AFF2: variants seen among roughly 807,000 people sequenced by gnomAD.
AFF2 encodes the protein AF4/FMR2 family member 2.
AFF2 carries 14 observed loss-of-function variants against 76.9 expected under a neutral mutation model. The observed-to-expected ratio is 0.18, with a 90% CI of 0.12 to 0.28. The LOEUF (loss-of-function observed/expected upper bound fraction) is 0.28. Ranked by LOEUF, AFF2 falls within the 10% of genes least tolerant of loss-of-function variation. The pLI is 1.00. For missense variants in AFF2, 868 were observed against 1,001.1 expected (o/e 0.87, Z 1.79); for synonymous variants, 398 against 366.7 (o/e 1.09, Z -0.98).
rs1036571552 is a variant in AFF2, at chrX:148,651,604, G to A, written c.48-395G>A. On this transcript the variant is annotated intron_variant, in intron 1 of 20. Coordinates refer to ENST00000370460, the MANE Select transcript of AFF2 (RefSeq NM_002025.4). ...TACTTTGATAATTCCTTTCCCTTAG[G>A]ACTTTGTGACATCTGTGGATTCTGA... is the stretch of plus-strand genomic sequence containing the variant. Among the ~76,000 whole-genome samples, 6 of 111,536 alleles carry A rather than the reference G, an allele frequency of 5.4e-5. No individual in the cohort carries two copies. The East Asian group carries it at 1.7e-3, about 32-fold the overall frequency.
Position 148,958,300 on chromosome X carries a change from G to C in AFF2, c.2569-37G>C, listed in dbSNP as rs782300773. On this transcript the variant is annotated intron_variant, in intron 11 of 20. Coordinates refer to ENST00000370460, the MANE Select transcript of AFF2 (RefSeq NM_002025.4). ...AATATGGATGTCTGAATGGTGCCAT[G>C]CATTTCAAGCTCTGTGTATTTTTTT... The C allele has an allele frequency of 3.3e-6, 4 of 1,204,519 alleles. No individual in the cohort carries two copies. The African/African-American group carries it at 7.0e-5, about 21-fold the overall frequency.
At chrX:148,525,233 T>C (rs2052645723) in intron 1 of AFF2, among the ~76,000 whole-genome samples, 1 of 111,704 alleles carries the variant, frequency 9.0e-6, no homozygotes, top group African/African-American at 3.3e-5. Flanking sequence ...ACTTTCCTTT[T>C]CTTCTTTTCT....
intron 1 of AFF2, among the ~76,000 whole-genome samples, chrX:148,651,699 G>A (rs2054203214): frequency 9.5e-6 from 1 of 105,430 alleles, no homozygotes; most frequent in Non-Finnish European, 1.9e-5. Flanking sequence ...TGACTTTTGG[G>A]GAGTATGTAA....
chrX:148,549,590 C>G (rs1345659799), intron 1 of AFF2, among the ~76,000 whole-genome samples: 2 of 111,733 alleles, frequency 1.8e-5, no homozygotes, highest in South Asian at 3.8e-4. Context: ...TCATAATCCT[C>G]TCTCCGTTTT....
At chrX:148,565,163 A>C (rs1383224186) in intron 1 of AFF2, among the ~76,000 whole-genome samples, 3 of 112,001 alleles carry the variant, frequency 2.7e-5, no homozygotes, top group Non-Finnish European at 5.6e-5. Context: ...TTGTGACTGC[A>C]GCCAAAGATT....
chrX:148,942,658 T>C (rs781859398), intron 9 of AFF2, among the ~76,000 whole-genome samples: 33 of 109,546 alleles, frequency 3.0e-4, no homozygotes, highest in Non-Finnish European at 5.1e-4. Context: ...CTACTAAAAA[T>C]ACAAAAAATT....
At chrX:148,756,696 T>A (rs1461941151) in intron 3 of AFF2, among the ~76,000 whole-genome samples, 2 of 112,591 alleles carry the variant, frequency 1.8e-5, no homozygotes, top group African/African-American at 6.4e-5. Context: ...ATGAAACAGA[T>A]GTTTGCAGCA....
chrX:148,845,760 C>T (rs2124674190), intron 7 of AFF2, among the ~76,000 whole-genome samples: 1 of 111,761 alleles, frequency 8.9e-6, no homozygotes, highest in Non-Finnish European at 1.9e-5. Context: ...TGCAGACAGA[C>T]TGCTAATGCC....
intron 8 of AFF2, among the ~76,000 whole-genome samples, chrX:148,895,081 A>G (rs1222463171): frequency 1.8e-5 from 2 of 110,639 alleles, no homozygotes; most frequent in Non-Finnish European, 3.8e-5. Flanking sequence ...ATGGGTTCAA[A>G]TTGTTACAAA....
intron 4 of AFF2, 47 bp downstream of exon 4, chrX:148,809,967 T>A (rs368746289): frequency 8.9e-7 from 1 of 1,118,839 alleles, no homozygotes; most frequent in Non-Finnish European, 1.2e-6. Context: ...TGAAGCAATC[T>A]ATCTGCTTAA....
chrX:148,972,028 GT>G lies in AFF2; in HGVS notation c.3268-1437del, dbSNP rs1195443739. On this transcript the variant is annotated intron_variant, in intron 15 of 20. Transcript: ENST00000370460. ...TATGAGTGAGAATATGCGGTGTTTGGTTTTTTGTTCTTGCGATAGTTTACTG... is the reference window on the plus strand; with the variant it reads ...TATGAGTGAGAATATGCGGTGTTTGGTTTTTGTTCTTGCGATAGTTTACTG... Among the ~76,000 whole-genome samples the G allele has an allele frequency of 8.6e-3, 89 of 10,306 alleles. 5 individuals are homozygous for G. Among genetic ancestry groups the G allele is most frequent in the Admixed American group, 0.079 (71 of 898 alleles). 8.9% of individuals were successfully genotyped at this position (10,306 alleles called of 115,157 possible).
At chrX:148,915,097 T>C (rs1378751608) in intron 9 of AFF2, among the ~76,000 whole-genome samples, 2 of 112,160 alleles carry the variant, frequency 1.8e-5, no homozygotes, top group Non-Finnish European at 3.8e-5. Context: ...GGGCCTCAAA[T>C]AGGAAACAAA....
intron 4 of AFF2, among the ~76,000 whole-genome samples, chrX:148,828,449 T>C (rs782578033): frequency 8.9e-6 from 1 of 112,518 alleles, no homozygotes; most frequent in African/African-American, 3.2e-5. Context: ...TTCAGTGTTG[T>C]TCAATCTGAT....
intron 3 of AFF2, among the ~76,000 whole-genome samples, chrX:148,753,043 C>T (rs2055520614): frequency 9.0e-6 from 1 of 111,465 alleles, no homozygotes; most frequent in Admixed American, 9.6e-5. Context: ...GTAGGGAGAA[C>T]TTGAGCAGCC....
intron 9 of AFF2, among the ~76,000 whole-genome samples, chrX:148,906,635 A>G (rs1481529416): frequency 8.9e-6 from 1 of 112,130 alleles, no homozygotes; most frequent in Non-Finnish European, 1.9e-5. Flanking sequence ...AAACCCAGGC[A>G]TTTGAGCCAG....
chrX:148,685,733 C>T (rs1557260284), intron 3 of AFF2, among the ~76,000 whole-genome samples: 1 of 110,893 alleles, frequency 9.0e-6, no homozygotes, highest in East Asian at 2.8e-4. Context: ...AAATATCTCC[C>T]GTTTTCTGCA....
Position 148,937,456 on chromosome X carries a change from C to T in AFF2, c.1398-16124C>T, listed in dbSNP as rs180846357. On this transcript the variant is annotated intron_variant, in intron 9 of 20. Coordinates refer to ENST00000370460, the MANE Select transcript of AFF2 (RefSeq NM_002025.4). ...AGACAAAGATGTGTTGGAATTTTTG[C>T]ATGGTGGAGGAGATAGTGGGAATGA... Among the ~76,000 whole-genome samples, 36 of 112,152 alleles carry T rather than the reference C, an allele frequency of 3.2e-4. No individual in the cohort carries two copies. The East Asian group carries it at 9.2e-3, about 29-fold the overall frequency.
At chrX:148,737,075 T>C (rs1186445052) in intron 3 of AFF2, among the ~76,000 whole-genome samples, 2 of 111,927 alleles carry the variant, frequency 1.8e-5, no homozygotes, top group African/African-American at 6.5e-5. Context: ...TTCTTTTTGC[T>C]TAGTCTTGCG....
chrX:148,895,663 T>C (rs2071276599), intron 8 of AFF2, among the ~76,000 whole-genome samples: 1 of 110,274 alleles, frequency 9.1e-6, no homozygotes, highest in Non-Finnish European at 1.9e-5. Flanking sequence ...ATAGAAATTC[T>C]GTGCATTACT....
Sources: allele counts gnomAD v4.1 joint callset (sites outside exome capture counted in the v4.1 genomes callset), GRCh38; gene constraint gnomAD v4.1.1; transcripts MANE v1.5; gene names NCBI Gene and HGNC (gene_info 2026-07-23, HGNC 2026-07-21).